Variants in RYR3 observed in about 807,000 individuals in gnomAD.
RYR3 encodes brain ryanodine receptor-calcium release channel.
In RYR3, 207 loss-of-function variants were observed where a neutral mutation model predicts 584.3. The ratio of observed to expected loss-of-function variants is 0.35; its 90% CI spans 0.32 to 0.40. The LOEUF is 0.40. Ranked by LOEUF, RYR3 falls within the 10% of genes least tolerant of loss-of-function variation. RYR3 has a pLI of 1.00. For synonymous variants in RYR3, 2,416 were observed against 2,248.5 expected, an observed-to-expected ratio of 1.07 and a Z score of -2.11; for missense variants, 5,616 against 6,089.2, an observed-to-expected ratio of 0.92 and a Z score of 2.59.
intron 19 of RYR3, among the ~76,000 whole-genome samples, chr15:33,618,200 A>G (rs1015322142): frequency 2.6e-5 from 4 of 152,350 alleles, no homozygotes; most frequent in Admixed American, 1.3e-4. Context: ...GCATCATAGA[A>G]TATATTTTAT....
At chr15:33,396,238 G>T (rs2042288502) in intron 1 of RYR3, among the ~76,000 whole-genome samples, 1 of 152,134 alleles carries the variant, frequency 6.6e-6, no homozygotes, top group African/African-American at 2.4e-5. Context: ...CCCTGCACAG[G>T]CCTTCTTGAC....
chr15:33,531,258 C>T (rs17236168), intron 4 of RYR3, among the ~76,000 whole-genome samples: 4,378 of 151,872 alleles, frequency 0.029, 71 homozygotes, highest in Non-Finnish European at 0.041. Flanking sequence ...GAACCAGAAT[C>T]GACAGAAGGA....
chr15:33,587,250 G>A (rs79749678), intron 16 of RYR3, among the ~76,000 whole-genome samples: 2,424 of 152,276 alleles, frequency 0.016, 27 homozygotes, highest in South Asian at 0.025. Flanking sequence ...GATTCTCTGC[G>A]TTCCAACATG....
At chr15:33,851,342 C>G (rs187626796) in intron 94 of RYR3, 2 of 151,952 alleles carry the variant, frequency 1.3e-5, no homozygotes, top group South Asian at 2.1e-4. Flanking sequence ...GTTTCTTCTT[C>G]TCTGCTTATT....
intron 1 of RYR3, among the ~76,000 whole-genome samples, chr15:33,460,422 G>GCCT (rs1219798811): frequency 2.6e-5 from 4 of 152,170 alleles, no homozygotes; most frequent in Non-Finnish European, 5.9e-5. Flanking sequence ...TCACAAAAGA[G>GCCT]CCTTGTGTAA....
chr15:33,571,846 A>G (rs2058044717), intron 12 of RYR3, among the ~76,000 whole-genome samples: 1 of 151,782 alleles, frequency 6.6e-6, no homozygotes, highest in Non-Finnish European at 1.5e-5. Context: ...TTTATTTCTT[A>G]TGTTTCTTTT....
chr15:33,745,534 C>T (rs977781429), intron 52 of RYR3, among the ~76,000 whole-genome samples: 8 of 152,036 alleles, frequency 5.3e-5, no homozygotes, highest in Non-Finnish European at 8.8e-5. Context: ...CACTGTGCCT[C>T]GGACAGAGTC....
chr15:33,843,397 C>G, intron 91 of RYR3, 91 bp from the exon 92 acceptor site: 1 of 846,302 alleles, frequency 1.2e-6, no homozygotes, highest in Non-Finnish European at 1.9e-6. Flanking sequence ...CAAGTGTGAA[C>G]TTCTAACCAG....
chr15:33,461,649 G>A (rs948869843), intron 1 of RYR3, among the ~76,000 whole-genome samples: 1 of 152,130 alleles, frequency 6.6e-6, no homozygotes, highest in Non-Finnish European at 1.5e-5. Context: ...AGAAATATAA[G>A]AGTTGCAACA....
At chr15:33,421,157 C>T (rs995189437) in intron 1 of RYR3, among the ~76,000 whole-genome samples, 10 of 151,886 alleles carry the variant, frequency 6.6e-5, no homozygotes, top group East Asian at 3.9e-4. Context: ...GGAGGAGAAA[C>T]GGAATGAAGC....
At chr15:33,575,501 C>T (rs1462000455) in intron 12 of RYR3, among the ~76,000 whole-genome samples, 1 of 152,112 alleles carries the variant, frequency 6.6e-6, no homozygotes, top group African/African-American at 2.4e-5. Context: ...GAACAACCTG[C>T]TCCTGAATGA....
At chr15:33,789,203 G>C (rs1315931041) in intron 67 of RYR3, among the ~76,000 whole-genome samples, 1 of 152,106 alleles carries the variant, frequency 6.6e-6, no homozygotes, top group Non-Finnish European at 1.5e-5. Flanking sequence ...TGTCAGAGAG[G>C]CAACACGGGG....
At chr15:33,726,191 A>G (rs1048677818) in intron 45 of RYR3, among the ~76,000 whole-genome samples, 195 bp from the exon 46 acceptor site, 2 of 152,076 alleles carry the variant, frequency 1.3e-5, no homozygotes, top group Non-Finnish European at 2.9e-5. Context: ...CAGTTATTTC[A>G]TCAGTAGCAC....
At chr15:33,581,900 C>G (rs2058613708) in intron 14 of RYR3, among the ~76,000 whole-genome samples, 1 of 152,228 alleles carries the variant, frequency 6.6e-6, no homozygotes, top group African/African-American at 2.4e-5. Flanking sequence ...CTCCCTCAAC[C>G]TCTATTCCTT....
At chr15:33,341,763 C>T (rs1971849493) in intron 1 of RYR3, among the ~76,000 whole-genome samples, 1 of 152,040 alleles carries the variant, frequency 6.6e-6, no homozygotes, top group Admixed American at 6.6e-5. Context: ...CTTTACTTCC[C>T]TCAAGGTGAT....
intron 10 of RYR3, among the ~76,000 whole-genome samples, chr15:33,553,837 T>C (rs2056867633): frequency 6.6e-6 from 1 of 152,172 alleles, no homozygotes; most frequent in Admixed American, 6.5e-5. Context: ...CTTCATCAAT[T>C]TGCACCTCAT....
At chr15:33,778,517 C>A (rs1291016823) in intron 64 of RYR3, among the ~76,000 whole-genome samples, 1 of 152,196 alleles carries the variant, frequency 6.6e-6, no homozygotes, top group African/African-American at 2.4e-5. Context: ...GCCCCTCTTC[C>A]CACACCTGGC....
intron 23 of RYR3, among the ~76,000 whole-genome samples, chr15:33,631,572 A>T (rs549957703): frequency 1.3e-5 from 2 of 152,298 alleles, no homozygotes; most frequent in South Asian, 4.1e-4. Context: ...TTTGATCTAT[A>T]AGAATAGCAT....
intron 100 of RYR3, 67 bp downstream of exon 100, chr15:33,859,798 A>G (rs1003695186): frequency 2.0e-6 from 3 of 1,477,516 alleles, no homozygotes; most frequent in Non-Finnish European, 2.8e-6. Context: ...TCTTCCATCT[A>G]TGACTTAATT....
Sources: allele counts gnomAD v4.1 joint callset (sites outside exome capture counted in the v4.1 genomes callset), GRCh38; gene constraint gnomAD v4.1.1; transcripts MANE v1.5; gene names NCBI Gene and HGNC (gene_info 2026-07-23, HGNC 2026-07-21).